The following SNX14 variants were observed in gnomAD, a reference collection of about 807,000 sequenced individuals.
The protein encoded by SNX14 is sorting nexin-14.
A neutral mutation model predicts 133.8 loss-of-function variants in SNX14; 93 were observed. The observed-to-expected ratio is 0.70, with a 90% CI of 0.59 to 0.83. The LOEUF is 0.83. SNX14 is among the 40% of genes least tolerant of loss of function. The pLI, the probability that SNX14 is intolerant of heterozygous loss-of-function variation, is 0.00. For missense variants in SNX14, 945 were observed against 1,094.9 expected (o/e 0.86, Z 1.93); for synonymous variants, 368 against 365.6 (o/e 1.01, Z -0.07).
intron 4 of SNX14, among the ~76,000 whole-genome samples, chr6:85,568,671 A>AT (rs1794681219): frequency 6.6e-6 from 1 of 152,226 alleles, no homozygotes; most frequent in African/African-American, 2.4e-5. Flanking sequence ...CGACATATCT[A>AT]ATCTAATGCT....
chr6:85,521,065 C>T (rs977459511), intron 21 of SNX14, among the ~76,000 whole-genome samples: 2 of 152,166 alleles, frequency 1.3e-5, no homozygotes, highest in Non-Finnish European at 1.5e-5. Flanking sequence ...AGTTCCTGTT[C>T]CTTTACATCT....
In SNX14 at chr6:85,542,457, C is replaced by T. The variant is rs1225563103; in HGVS notation, c.1390-414G>A. On this transcript the variant is annotated intron_variant, in intron 14 of 28. Coordinates refer to ENST00000314673, the MANE Select transcript of SNX14 (RefSeq NM_153816.6). ...TTGCCCAGGCTGGAGTGCAGTGGTG[C>T]GATCTCGGCTCACTGCAAGCTCCGC... is the stretch of plus-strand genomic sequence containing the variant. Among the ~76,000 whole-genome samples the T allele has an allele frequency of 4.6e-5, 7 of 152,144 alleles. No individual in the cohort carries two copies. The East Asian group carries it at 5.8e-4, about 13-fold the overall frequency.
chr6:85,579,135 C>CT, intron 1 of SNX14, among the ~76,000 whole-genome samples: 1 of 151,132 alleles, frequency 6.6e-6, no homozygotes, highest in East Asian at 1.9e-4. Flanking sequence ...GGGACTCCGT[C>CT]TAAAAAAAAA....
chr6:85,507,952 C>T lies in SNX14; in HGVS notation c.2745+16G>A. On this transcript the variant is annotated intron_variant, in intron 27 of 28. Coordinates refer to ENST00000314673, the MANE Select transcript of SNX14 (RefSeq NM_153816.6). ...AACCTAGCCAGCATGAGTTTACGAG[C>T]TTTAATGAGCTTTACCTGCTTGTTG... 1.9e-6 allele frequency: 3 copies of T among 1,608,676 alleles called. No homozygotes were observed. Among genetic ancestry groups the T allele is most frequent in the South Asian group, 1.1e-5 (1 of 90,562 alleles).
chr6:85,572,045 C>T (rs1314061609), intron 4 of SNX14, 92 bp downstream of exon 4: 5 of 1,025,198 alleles, frequency 4.9e-6, no homozygotes, highest in African/African-American at 1.6e-5. Context: ...TATTAAGATG[C>T]TCCATGATTA....
intron 4 of SNX14, among the ~76,000 whole-genome samples, chr6:85,568,987 C>T (rs1174960494): frequency 4.0e-5 from 6 of 148,436 alleles, no homozygotes; most frequent in African/African-American, 1.2e-4. Flanking sequence ...TTTTTTGAGG[C>T]GGAGTTTCAC....
In SNX14 at chr6:85,572,334, C is replaced by T; in HGVS notation, c.302G>A (p.Cys101Tyr). Residue 101 changes from cysteine to tyrosine, a missense_variant, in exon 3 of 29, where the codon TGT becomes TAT. Coordinates refer to ENST00000314673, the MANE Select transcript of SNX14 (RefSeq NM_153816.6). The stretch of plus-strand genomic sequence containing the variant: ...ACATTTCACTTTACCACAAACAGCA[C>T]AGCTATGACCTTGAGGAAATAATTC... ...LQELFPQGHS[C>Y]AVCGKVKCKR... 6.2e-7 allele frequency: 1 copy of T among 1,613,620 alleles called. No individual in the cohort carries two copies. The highest frequency in any genetic ancestry group is 8.5e-7 in the Non-Finnish European group (1 of 1,179,828).
intron 26 of SNX14, among the ~76,000 whole-genome samples, chr6:85,513,032 T>C (rs1173309504): frequency 1.3e-5 from 2 of 152,204 alleles, no homozygotes; most frequent in South Asian, 2.1e-4. Flanking sequence ...ATGGCTCCCA[T>C]ATCTCTACTA....
intron 26 of SNX14, among the ~76,000 whole-genome samples, chr6:85,512,387 C>G (rs1189011065): frequency 6.6e-6 from 1 of 151,986 alleles, no homozygotes; most frequent in East Asian, 1.9e-4. Flanking sequence ...TTTTGAAGGC[C>G]GAGGCGGGTG....
At chr6:85,577,814 A>T (rs963546029) in intron 1 of SNX14, among the ~76,000 whole-genome samples, 1 of 152,210 alleles carries the variant, frequency 6.6e-6, no homozygotes. Flanking sequence ...AGAAAAAAAA[A>T]TACTACAGAA....
At chr6:85,507,438 C>T in intron 27 of SNX14, 149 bp from the exon 28 acceptor site, 1 of 601,870 alleles carries the variant, frequency 1.7e-6, no homozygotes, top group East Asian at 2.9e-5. Flanking sequence ...ACAAAAGTAG[C>T]CTCAGTAGTA....
intron 21 of SNX14, 89 bp from the exon 22 acceptor site, chr6:85,518,137 C>A (rs754226072): frequency 1.2e-5 from 13 of 1,054,024 alleles, no homozygotes; most frequent in Non-Finnish European, 1.8e-5. Context: ...ATTTTAAATA[C>A]GAAATAGCCA....
intron 12 of SNX14, among the ~76,000 whole-genome samples, chr6:85,546,800 T>A (rs1327855417): frequency 6.6e-6 from 1 of 151,904 alleles, no homozygotes; most frequent in Non-Finnish European, 1.5e-5. Flanking sequence ...CCATCTCTAC[T>A]AAAAATACAA....
chr6:85,531,582 T>A (rs181553594), intron 18 of SNX14, among the ~76,000 whole-genome samples: 147 of 152,250 alleles, frequency 9.7e-4, no homozygotes, highest in African/African-American at 3.5e-3. Context: ...TTAGGCTAGG[T>A]TTTTAATGCT....
In SNX14 at chr6:85,548,248, A is replaced by C; in HGVS notation, c.867+53T>G. 3 of 1,289,872 alleles carry C rather than the reference A, an allele frequency of 2.3e-6. No homozygotes were observed. In the South Asian group the frequency reaches 3.9e-5, roughly 17 times the overall value. The allele number at this position is 1,289,872 out of a possible 1,614,324, so 79.9% of individuals were successfully genotyped here. A position where few individuals can be genotyped will look rare whatever the true frequency, so the allele number is the denominator to read the frequency against. The stretch of plus-strand genomic sequence containing the variant: ...TACATAAAAATGTTTAAGATACTAA[A>C]TGTTATATTAAGTGTAATTTGTAAC... On this transcript the variant is annotated intron_variant, in intron 9 of 28. Coordinates refer to ENST00000314673, the MANE Select transcript of SNX14 (RefSeq NM_153816.6).
intron 17 of SNX14, among the ~76,000 whole-genome samples, chr6:85,535,798 G>T (rs1781777235): frequency 2.0e-5 from 3 of 151,982 alleles, no homozygotes; most frequent in Admixed American, 2.0e-4. Context: ...AAAGAAAAGG[G>T]TTTACTCCTG....
intron 12 of SNX14, among the ~76,000 whole-genome samples, chr6:85,544,839 G>A (rs1043271262): frequency 6.6e-6 from 1 of 152,166 alleles, no homozygotes; most frequent in South Asian, 2.1e-4. Context: ...TCTTTCAGCA[G>A]AAAGAAACAA....
At chr6:85,552,040 T>TC (rs1350418332) in intron 7 of SNX14, among the ~76,000 whole-genome samples, 1 of 145,906 alleles carries the variant, frequency 6.9e-6, no homozygotes, top group East Asian at 2.0e-4. Context: ...ATCTTTTTTT[T>TC]TTTTTTTTTT....
intron 5 of SNX14, 142 bp downstream of exon 5, chr6:85,567,392 A>C (rs1460191618): frequency 4.8e-6 from 3 of 622,148 alleles, no homozygotes; most frequent in East Asian, 6.8e-5. Flanking sequence ...ACTGCCCCCA[A>C]AACAAATAAT....
Sources: gnomAD v4.1 joint callset for allele counts (sites outside exome capture counted in the v4.1 genomes callset) on GRCh38, gnomAD v4.1.1 for gene constraint, MANE v1.5 for transcripts, NCBI Gene and HGNC (gene_info 2026-07-23, HGNC 2026-07-21) for gene names.